The following DPYD variants were observed in gnomAD, a reference collection of about 807,000 sequenced individuals.
DPYD encodes the protein dihydropyrimidine dehydrogenase, also known as dihydropyrimidine dehydrogenase [NADP(+)].
DPYD carries 109 observed loss-of-function variants against 116.2 expected under a neutral mutation model. That is an observed-to-expected ratio of 0.94 (90% CI 0.80 to 1.10). The LOEUF is 1.10. DPYD is among the 50% of genes least tolerant of loss of function. The probability of loss-of-function intolerance (pLI) is 0.00; values close to 1 mark genes in which losing one functional copy is unlikely to be tolerated. For missense variants in DPYD, 1,302 were observed against 1,254.5 expected (o/e 1.04, Z -0.57); for synonymous variants, 440 against 432.0 (o/e 1.02, Z -0.23).
chr1:97,098,838 A>G (rs765256175), intron 20 of DPYD, among the ~76,000 whole-genome samples: 13 of 152,264 alleles, frequency 8.5e-5, no homozygotes, highest in Non-Finnish European at 1.6e-4. Flanking sequence ...ACACAACAGT[A>G]CAATACTTTT....
intron 19 of DPYD, among the ~76,000 whole-genome samples, chr1:97,203,447 G>A (rs1299965433): frequency 7.4e-6 from 1 of 135,828 alleles, no homozygotes; most frequent in African/African-American, 2.7e-5. Context: ...AAAAGTTCAG[G>A]AAGGGGAATA....
intron 20 of DPYD, among the ~76,000 whole-genome samples, chr1:97,132,752 A>G (rs914903785): frequency 6.6e-6 from 1 of 152,094 alleles, no homozygotes; most frequent in Admixed American, 6.6e-5. Context: ...ATTATTTTCT[A>G]TATTGCTCCC....
At chr1:97,176,381 A>G (rs563777668) in intron 20 of DPYD, among the ~76,000 whole-genome samples, 1 of 152,222 alleles carries the variant, frequency 6.6e-6, no homozygotes, top group African/African-American at 2.4e-5. Context: ...GGAGGTGGCA[A>G]CTACTGCTGT....
intron 1 of DPYD, 123 bp downstream of exon 1, chr1:97,920,761 G>A (rs1184742342): frequency 5.1e-6 from 7 of 1,379,312 alleles, no homozygotes; most frequent in African/African-American, 2.9e-5. Context: ...GCTCCCACGG[G>A]GGAAACTTTC....
intron 20 of DPYD, among the ~76,000 whole-genome samples, chr1:97,129,223 C>A (rs548296070): frequency 1.3e-5 from 2 of 151,988 alleles, no homozygotes; most frequent in Non-Finnish European, 2.9e-5. Flanking sequence ...GCCACCACAC[C>A]CAGCTAATTT....
chr1:97,522,518 C>G (rs984371732), intron 12 of DPYD, among the ~76,000 whole-genome samples: 1 of 151,908 alleles, frequency 6.6e-6, no homozygotes, highest in Non-Finnish European at 1.5e-5. Flanking sequence ...GTCAGTAGAT[C>G]GAGACCATCC....
In DPYD at chr1:97,921,005, G is replaced by A; in HGVS notation, c.-83C>T. The A allele has an allele frequency of 1.3e-6, 2 of 1,525,578 alleles. No individual in the cohort carries two copies. Among genetic ancestry groups the A allele is most frequent in the Non-Finnish European group, 1.8e-6 (2 of 1,125,186 alleles). 94.5% of individuals were successfully genotyped at this position (1,525,578 alleles called of 1,614,324 possible). A position where few individuals can be genotyped will look rare whatever the true frequency, so the allele number is the denominator to read the frequency against. On this transcript the variant is annotated 5_prime_UTR_variant, in exon 1 of 23. Transcript: ENST00000370192. ...CCAGCCAGAGAGCCAAGTGACAGCA[G>A]CCGGAGCGCGAGTCGAAAACAGGCA...
intron 2 of DPYD, among the ~76,000 whole-genome samples, chr1:97,858,336 C>A (rs536583746): frequency 8.6e-5 from 13 of 151,236 alleles, no homozygotes; most frequent in Non-Finnish European, 1.8e-4. Flanking sequence ...TAAAATAATC[C>A]AGAAACACAA....
chr1:97,509,745 A>AT (rs1165170646), intron 13 of DPYD, among the ~76,000 whole-genome samples: 1 of 151,962 alleles, frequency 6.6e-6, no homozygotes, highest in African/African-American at 2.4e-5. Flanking sequence ...TCTCAAGAAT[A>AT]TTGCAGTAAG....
chr1:97,523,041 C>T (rs1256731934), intron 12 of DPYD, among the ~76,000 whole-genome samples: 1 of 152,164 alleles, frequency 6.6e-6, no homozygotes, highest in Non-Finnish European at 1.5e-5. Flanking sequence ...ATTTCCCTCC[C>T]TCCCTTCCCA....
intron 21 of DPYD, among the ~76,000 whole-genome samples, chr1:97,093,426 A>G (rs1650024190): frequency 6.6e-6 from 1 of 152,218 alleles, no homozygotes; most frequent in South Asian, 2.1e-4. Flanking sequence ...ATGGAAATGA[A>G]TAGTCATCTT....
At chr1:97,365,379 A>G (rs1670973669) in intron 16 of DPYD, among the ~76,000 whole-genome samples, 1 of 152,138 alleles carries the variant, frequency 6.6e-6, no homozygotes, top group Non-Finnish European at 1.5e-5. Context: ...ACATTACCTG[A>G]ACTCTTCATG....
chr1:97,561,973 C>T (rs1050730899), intron 11 of DPYD, among the ~76,000 whole-genome samples: 8 of 152,168 alleles, frequency 5.3e-5, no homozygotes, highest in Non-Finnish European at 8.8e-5. Context: ...CACTTTCTAC[C>T]TAAAGGTAAC....
intron 13 of DPYD, among the ~76,000 whole-genome samples, chr1:97,456,145 G>C (rs1676671584): frequency 6.6e-6 from 1 of 151,294 alleles, no homozygotes; most frequent in Non-Finnish European, 1.5e-5. Flanking sequence ...TTCGAGATGA[G>C]ACTAGAACTC....
At chr1:97,251,192 T>A (rs1663060075) in intron 18 of DPYD, among the ~76,000 whole-genome samples, 1 of 151,136 alleles carries the variant, frequency 6.6e-6, no homozygotes, top group Admixed American at 6.6e-5. Context: ...AGGTCAGGAG[T>A]TCGAGACCAG....
chr1:97,760,709 G>A (rs1434616592), intron 3 of DPYD, among the ~76,000 whole-genome samples: 1 of 151,990 alleles, frequency 6.6e-6, no homozygotes, highest in Non-Finnish European at 1.5e-5. Flanking sequence ...GATACTTCAG[G>A]GATCAGAGAA....
chr1:97,091,458 G>A (rs748355927), intron 21 of DPYD, among the ~76,000 whole-genome samples: 5 of 152,146 alleles, frequency 3.3e-5, no homozygotes, highest in Admixed American at 6.6e-5. Flanking sequence ...GCGTGCCTGG[G>A]TGTGTGCTAA....
rs544245379 is a variant in DPYD, at chr1:97,479,956, G to A, written c.1741-29733C>T. Among the ~76,000 whole-genome samples, 3 of 152,170 alleles carry A rather than the reference G, an allele frequency of 2.0e-5. No homozygotes were observed. In the South Asian group the frequency reaches 6.2e-4, roughly 32 times the overall value. ...GGGAGAGACCATTTGACTTACATCTGGCTAGTGAGAAATAATCTGAGAATT... is the reference window on the plus strand; with the variant it reads ...GGGAGAGACCATTTGACTTACATCTAGCTAGTGAGAAATAATCTGAGAATT... On this transcript the variant is annotated intron_variant, in intron 13 of 22. Coordinates refer to ENST00000370192, the MANE Select transcript of DPYD (RefSeq NM_000110.4).
chr1:97,667,967 T>C (rs570350379), intron 8 of DPYD, among the ~76,000 whole-genome samples: 34 of 152,200 alleles, frequency 2.2e-4, no homozygotes, highest in African/African-American at 7.9e-4. Flanking sequence ...ACACAAAATA[T>C]ATAATGTATG....
Sources: gnomAD v4.1 joint callset for allele counts (sites outside exome capture counted in the v4.1 genomes callset) on GRCh38, gnomAD v4.1.1 for gene constraint, MANE v1.5 for transcripts, NCBI Gene and HGNC (gene_info 2026-07-23, HGNC 2026-07-21) for gene names.